The following NOC2L variants were observed in gnomAD, a reference collection of about 807,000 sequenced individuals.
NOC2L encodes the protein nucleolar complex protein 2 homolog.
A neutral mutation model predicts 94.2 loss-of-function variants in NOC2L; 101 were observed. The observed-to-expected ratio is 1.07, with a 90% confidence interval of 0.91 to 1.26. The LOEUF (loss-of-function observed/expected upper bound fraction) is 1.26. Ranked by LOEUF, NOC2L falls within the 50% of genes most tolerant of loss-of-function variation. NOC2L has a pLI of 0.00. For synonymous variants in NOC2L, 531 were observed against 413.4 expected (o/e 1.28, Z -3.45); for missense variants, 1,076 against 980.1 (o/e 1.10, Z -1.31).
rs762201813 is a variant in NOC2L at position 954,096 on chromosome 1, A to C, written c.699-14T>G. On this transcript the variant is annotated splice_polypyrimidine_tract_variant and intron_variant, in intron 6 of 18. Coordinates refer to ENST00000327044, the MANE Select transcript of NOC2L (RefSeq NM_015658.4). ...GGCTGCAGCATCCTGCAGAGAGACCACCCACCCCTGGCTGGGAGGCCCCAC... is the reference window on the plus strand; with the variant it reads ...GGCTGCAGCATCCTGCAGAGAGACCCCCCACCCCTGGCTGGGAGGCCCCAC... The C allele has an allele frequency of 6.2e-7, 1 of 1,610,068 alleles. No individual in the cohort carries two copies. The highest frequency in any genetic ancestry group is 2.2e-5 in the East Asian group (1 of 44,756).
intron 1 of NOC2L, 43 bp downstream of exon 1, chr1:959,172 C>G: frequency 6.2e-7 from 1 of 1,611,884 alleles, no homozygotes; most frequent in Non-Finnish European, 8.5e-7. Context: ...TGGATACAGA[C>G]ACCCACCGGG....
rs1353601521 is a variant in NOC2L at position 953,256 on chromosome 1, C to T, written c.921G>A (p.Glu307=). The change falls in exon 9 of 19, where the codon GAG becomes GAA. Residue 307 remains glutamate, a synonymous_variant. Coordinates refer to ENST00000327044, the MANE Select transcript of NOC2L (RefSeq NM_015658.4). The part of the protein sequence containing the change: ...RMVIVWSTGE[E]SLRVLAFLVL... ...CCAGGAAAGCCAGCACCCGCAGAGA[C>T]TCTTCCCCAGTGCTCCATACGATCA... 7.5e-6 allele frequency: 12 copies of T among 1,609,748 alleles called. No homozygotes were observed. The East Asian group carries it at 2.5e-4, about 33-fold the overall frequency.
In NOC2L at chr1:950,781, A is replaced by G. The variant is rs910988809; in HGVS notation, c.1443+346T>C. On this transcript the variant is annotated intron_variant, in intron 12 of 18. Coordinates refer to ENST00000327044, the MANE Select transcript of NOC2L (RefSeq NM_015658.4). Reference sequence around the variant, plus strand: ...CCCATACAAATGCATACACATGCACACAACTGTCAGGGCAGGGCACTGTTC... The same window carrying G: ...CCCATACAAATGCATACACATGCACGCAACTGTCAGGGCAGGGCACTGTTC... Among the ~76,000 whole-genome samples, 24 of 152,318 alleles carry G rather than the reference A, an allele frequency of 1.6e-4. 1 individual carries two copies. The highest frequency in any genetic ancestry group is 1.6e-3 in the Admixed American group (24 of 15,312).
Position 952,594 on chromosome 1 carries a change from A to G in NOC2L, c.1009T>C (p.Tyr337His). 2 of 1,613,684 alleles carry G rather than the reference A, an allele frequency of 1.2e-6. No individual in the cohort carries two copies. The highest frequency in any genetic ancestry group is 1.7e-6 in the Non-Finnish European group (2 of 1,180,000). The change falls in exon 10 of 19, where the codon TAC (tyrosine) becomes CAC (histidine). Residue 337 changes from tyrosine (Y) to histidine (H), a missense_variant. Tyr to His is a moderately conservative substitution (Grantham distance 83, BLOSUM62 2). Around this residue, in one of 3 missense-constraint regions of NOC2L, gnomAD observed 615 missense variants for 577.4 expected, o/e 1.07. Coordinates refer to ENST00000327044, the MANE Select transcript of NOC2L (RefSeq NM_015658.4). ...TFLGPVLKQM[Y>H]ITYVRNCKFT... is the part of the protein sequence containing the mutation. ...TTGCAGTTCCTCACATACGTGATGTACATTTGCTGCGGAGAGACCCGGGTC... is the reference window on the plus strand; with the variant it reads ...TTGCAGTTCCTCACATACGTGATGTGCATTTGCTGCGGAGAGACCCGGGTC...
chr1:956,056 CA>C, intron 5 of NOC2L, 38 bp downstream of exon 5: 1 of 1,614,100 alleles, frequency 6.2e-7, no homozygotes, highest in Non-Finnish European at 8.5e-7. Flanking sequence ...ACAGAGAACG[CA>C]ACAGACAGCC....
rs775908870 is a variant in NOC2L at position 944,820 on chromosome 1, C to CTACA, written c.2144-24_2144-21dup. ...CTCCATCTGCGGGGAGAGATGGAGG[C>CTACA]TACATAAATTTTGCTTTATCAGGAA... On this transcript the variant is annotated intron_variant, in intron 18 of 18. Coordinates refer to ENST00000327044, the MANE Select transcript of NOC2L (RefSeq NM_015658.4). 1 of 1,507,888 alleles carries CTACA rather than the reference C, an allele frequency of 6.6e-7. No individual in the cohort carries two copies. The highest frequency in any genetic ancestry group is 9.0e-7 in the Non-Finnish European group (1 of 1,111,016). 93.4% of individuals were successfully genotyped at this position (1,507,888 alleles called of 1,614,324 possible).
intron 17 of NOC2L, 29 bp downstream of exon 17, chr1:945,489 T>A (rs537055509): frequency 1.2e-6 from 2 of 1,611,996 alleles, no homozygotes; most frequent in African/African-American, 1.3e-5. Flanking sequence ...AGGCCCACCC[T>A]TCCCCTGGGA....
At chr1:955,833 C>T (rs1247366200) in intron 6 of NOC2L, 90 bp downstream of exon 6, 3 of 1,117,392 alleles carry the variant, frequency 2.7e-6, no homozygotes, top group Non-Finnish European at 1.3e-6. Flanking sequence ...GTTGCCATGT[C>T]TCTGTCCTAG....
At position 946,344 on chromosome 1, in the gene NOC2L, G is replaced by A. The variant is rs1642113236; in HGVS notation, c.1803+58C>T. ...CACCCTGGGCAAACCCCCACATGTA[G>A]CTGGGGCTATACCCTGGCAGGTGCC... On this transcript the variant is annotated intron_variant, in intron 15 of 18. Coordinates refer to ENST00000327044, the MANE Select transcript of NOC2L (RefSeq NM_015658.4). The A allele has an allele frequency of 1.9e-6, 3 of 1,611,554 alleles. No homozygotes were observed. In the East Asian group the frequency reaches 6.7e-5, roughly 36 times the overall value.
intron 4 of NOC2L, 152 bp from the exon 5 acceptor site, chr1:956,367 A>C: frequency 1.2e-6 from 1 of 817,888 alleles, no homozygotes; most frequent in Non-Finnish European, 1.9e-6. Context: ...CTGATAACAA[A>C]AATGGAAACA....
rs1240374496 is a variant in NOC2L, at chr1:958,910, C to A, written c.179+19G>T. ...GACAGGACGAGCAAGAGGTTCTGCT[C>A]ACGCATGTCCCCACTAACCTGGCCG... On this transcript the variant is annotated intron_variant, in intron 2 of 18. Coordinates refer to ENST00000327044, the MANE Select transcript of NOC2L (RefSeq NM_015658.4). The A allele has an allele frequency of 6.2e-7, 1 of 1,612,570 alleles. No individual in the cohort carries two copies. Among genetic ancestry groups the A allele is most frequent in the East Asian group, 2.2e-5 (1 of 44,878 alleles).
At chr1:948,817 C>T (rs958098149) in intron 12 of NOC2L, among the ~76,000 whole-genome samples, 4 of 149,692 alleles carry the variant, frequency 2.7e-5, no homozygotes, top group Admixed American at 6.6e-5. Flanking sequence ...CACAGCCTGG[C>T]GTGTCCCCGA....
At chr1:956,244 A>T (rs777117592) in intron 4 of NOC2L, 29 bp from the exon 5 acceptor site, 1 of 1,609,414 alleles carries the variant, frequency 6.2e-7, no homozygotes, top group South Asian at 1.1e-5. Context: ...CAGGGGCGTC[A>T]GGGGAGCTGA....
Position 945,126 on chromosome 1 carries a change from T to C in NOC2L, c.2074A>G (p.Thr692Ala), listed in dbSNP as rs763392759. Residue 692 changes from threonine to alanine, a missense_variant, in exon 18 of 19, where the codon ACT becomes GCT. This residue lies in a region of NOC2L where 615 missense variants were observed against 577.4 expected (regional missense o/e 1.07). Coordinates refer to ENST00000327044, the MANE Select transcript of NOC2L (RefSeq NM_015658.4). ...TCATCGTCTTCCACCCCATGCCGAG[T>C]GCTCAGGGGCCTCAGTATCCCTGAG... ...SERGILRPLS[T>A]RHGVEDDEED... 2 of 1,611,350 alleles carry C rather than the reference T, an allele frequency of 1.2e-6. No homozygotes were observed. The highest frequency in any genetic ancestry group is 1.3e-5 in the African/African-American group (1 of 74,828).
chr1:944,941 G>A lies in NOC2L; in HGVS notation c.2143+116C>T, dbSNP rs1017401482. The A allele has an allele frequency of 5.2e-6, 8 of 1,530,896 alleles. No homozygotes were observed. The African/African-American group carries it at 1.1e-4, about 21-fold the overall frequency. The allele number at this position is 1,530,896 out of a possible 1,614,324, so 94.8% of individuals were successfully genotyped here. ...GCCAGAGAACAGAGCATTTGGCCTG[G>A]CCTTCCCAGGGAGGGAAAAGCCTGG... On this transcript the variant is annotated intron_variant, in intron 18 of 18. Coordinates refer to ENST00000327044, the MANE Select transcript of NOC2L (RefSeq NM_015658.4).
At position 952,103 on chromosome 1, in the gene NOC2L, G is replaced by A; in HGVS notation, c.1228C>T (p.His410Tyr). 1 of 1,613,522 alleles carries A rather than the reference G, an allele frequency of 6.2e-7. No individual in the cohort carries two copies. The highest frequency in any genetic ancestry group is 8.5e-7 in the Non-Finnish European group (1 of 1,179,834). Residue 410 changes from histidine to tyrosine, a missense_variant, in exon 11 of 19, where the codon CAC (histidine) becomes TAC (tyrosine). His to Tyr is a moderately conservative substitution (Grantham distance 83). This residue lies in a region of NOC2L where 615 missense variants were observed against 577.4 expected (regional missense o/e 1.07). Transcript: ENST00000327044. The part of the protein sequence containing the change: ...YQSVYNWQYV[H>Y]CLFLWCRVLS... The stretch of plus-strand genomic sequence containing the variant: ...ACCCGGCACCACAGGAAGAGGCAGT[G>A]CACATACTGCCAGTTGTACACAGAC...
At chr1:950,328 T>C (rs1642220988) in intron 12 of NOC2L, among the ~76,000 whole-genome samples, 1 of 150,578 alleles carries the variant, frequency 6.6e-6, no homozygotes, top group Non-Finnish European at 1.5e-5. Flanking sequence ...CACACATGCA[T>C]GCACACAGAT....
chr1:946,131 G>C, intron 16 of NOC2L, 42 bp downstream of exon 16: 2 of 1,409,436 alleles, frequency 1.4e-6, no homozygotes. Context: ...CTGAAACCCA[G>C]GAAGTCACAA....
rs774751203 is a variant in NOC2L, at chr1:958,843, G to A, written c.179+86C>T. 14 of 1,421,730 alleles carry A rather than the reference G, an allele frequency of 9.8e-6. No homozygotes were observed. In the Admixed American group the frequency reaches 1.3e-4, roughly 14 times the overall value. The allele number at this position is 1,421,730 out of a possible 1,614,324, so 88.1% of individuals were successfully genotyped here. On this transcript the variant is annotated intron_variant, in intron 2 of 18. Transcript: ENST00000327044. ...AGAGGTCGGCGATCCTTAGGCCTTG[G>A]CCCTGAGACCCCAGGCGAGGTCAGC...
Sources: gnomAD v4.1 joint callset for allele counts (sites outside exome capture counted in the v4.1 genomes callset) on GRCh38, gnomAD v4.1.1 for gene constraint, gnomAD v4.1.1 regional missense constraint, MANE v1.5 for transcripts, NCBI Gene and HGNC (gene_info 2026-07-23, HGNC 2026-07-21) for gene names.